Variants in NRG3 observed in about 807,000 individuals in gnomAD.
NRG3 encodes neuregulin 3, also known as pro-neuregulin-3, membrane-bound isoform.
A neutral mutation model predicts 66.9 loss-of-function variants in NRG3; 31 were observed. The observed-to-expected ratio is 0.46, with a 90% CI of 0.35 to 0.63. The LOEUF is 0.63. NRG3 is among the 20% of genes least tolerant of loss of function. NRG3 has a pLI of 0.00. For missense variants in NRG3, 910 were observed against 878.9 expected (o/e 1.04, Z -0.45); for synonymous variants, 393 against 359.4 (o/e 1.09, Z -1.06).
At chr10:82,832,591 G>C (rs1564546134) in intron 3 of NRG3, among the ~76,000 whole-genome samples, 1 of 152,090 alleles carries the variant, frequency 6.6e-6, no homozygotes, top group Non-Finnish European at 1.5e-5. Flanking sequence ...ATATGCAAGA[G>C]TTTAATAACA....
chr10:82,432,077 C>T lies in NRG3; in HGVS notation c.953+73209C>T, dbSNP rs905348285. Among the ~76,000 whole-genome samples the T allele has an allele frequency of 3.3e-5, 5 of 152,230 alleles. No individual in the cohort carries two copies. In the East Asian group the frequency reaches 9.7e-4, roughly 29 times the overall value. On this transcript the variant is annotated intron_variant, in intron 2 of 8. Transcript: ENST00000372141. Reference sequence around the variant, plus strand: ...GATTTACATACTGCTGCCTTCATTCCTATAGAGGGAGGTCCATTAGAGAAA... The same window carrying T: ...GATTTACATACTGCTGCCTTCATTCTTATAGAGGGAGGTCCATTAGAGAAA...
At chr10:82,574,979 G>C (rs1565086611) in intron 2 of NRG3, among the ~76,000 whole-genome samples, 1 of 151,694 alleles carries the variant, frequency 6.6e-6, no homozygotes, top group Non-Finnish European at 1.5e-5. Context: ...CAGTTAGAGA[G>C]AAAGAATGAG....
intron 1 of NRG3, among the ~76,000 whole-genome samples, chr10:81,991,042 G>A (rs1444362796): frequency 2.0e-5 from 3 of 152,038 alleles, no homozygotes; most frequent in African/African-American, 7.2e-5. Flanking sequence ...AACTTACATG[G>A]TACTTATTTA....
At chr10:82,335,557 T>A (rs1270555635) in intron 1 of NRG3, among the ~76,000 whole-genome samples, 1 of 152,060 alleles carries the variant, frequency 6.6e-6, no homozygotes, top group Non-Finnish European at 1.5e-5. Flanking sequence ...TGGCAGGGGA[T>A]CACTTGAGCC....
At chr10:82,594,035 A>T (rs1037256485) in intron 2 of NRG3, among the ~76,000 whole-genome samples, 1 of 152,128 alleles carries the variant, frequency 6.6e-6, no homozygotes, top group East Asian at 1.9e-4. Context: ...CTCAGGACAC[A>T]TTTGATTTAT....
intron 1 of NRG3, among the ~76,000 whole-genome samples, chr10:82,186,206 A>T (rs2073798371): frequency 6.6e-6 from 1 of 152,184 alleles, no homozygotes; most frequent in Non-Finnish European, 1.5e-5. Context: ...AAAAGCAGAT[A>T]ATATCTTATT....
At chr10:82,933,972 G>A (rs1847827657) in intron 4 of NRG3, among the ~76,000 whole-genome samples, 1 of 152,140 alleles carries the variant, frequency 6.6e-6, no homozygotes, top group South Asian at 2.1e-4. Context: ...GGAGGTAAAT[G>A]GGGGTCTGGG....
At position 82,047,815 on chromosome 10, in the gene NRG3, A is replaced by G. The variant is rs180725566; in HGVS notation, c.823+171652A>G. On this transcript the variant is annotated intron_variant, in intron 1 of 8. Coordinates refer to ENST00000372141, the MANE Select transcript of NRG3 (RefSeq NM_001010848.4). ...AAAGACACAGACTGGCAAATTGGAT[A>G]GAGTCAATACCCATCAGTGTGCTAT... Among the ~76,000 whole-genome samples, 302 of 152,216 alleles carry G rather than the reference A, an allele frequency of 2.0e-3. 1 individual carries two copies. Among genetic ancestry groups the G allele is most frequent in the Non-Finnish European group, 3.5e-3 (236 of 68,006 alleles).
At chr10:82,389,928 G>A (rs1038281506) in intron 2 of NRG3, among the ~76,000 whole-genome samples, 2 of 152,138 alleles carry the variant, frequency 1.3e-5, no homozygotes, top group Non-Finnish European at 2.9e-5. Context: ...GCCTATTAGA[G>A]CGGCTACTTG....
chr10:81,981,033 G>A (rs889429383), intron 1 of NRG3, among the ~76,000 whole-genome samples: 1 of 152,166 alleles, frequency 6.6e-6, no homozygotes, highest in Non-Finnish European at 1.5e-5. Flanking sequence ...CATGAAGGGA[G>A]CATAAATCCG....
At chr10:82,548,559 ACG>A (rs1366904442) in intron 2 of NRG3, among the ~76,000 whole-genome samples, 4 of 143,072 alleles carry the variant, frequency 2.8e-5, no homozygotes, top group African/African-American at 1.1e-4. Context: ...ACACACACAC[ACG>A]CACACGCACA....
At chr10:82,263,667 G>A (rs188438081) in intron 1 of NRG3, among the ~76,000 whole-genome samples, 31 of 151,952 alleles carry the variant, frequency 2.0e-4, no homozygotes, top group African/African-American at 6.5e-4. Context: ...CAGGATTTAC[G>A]TCTTTACCTA....
chr10:82,319,583 C>T (rs1188353918), intron 1 of NRG3, among the ~76,000 whole-genome samples: 1 of 152,184 alleles, frequency 6.6e-6, no homozygotes, highest in Non-Finnish European at 1.5e-5. Context: ...TTACCATGGG[C>T]TCCATATTTA....
intron 1 of NRG3, among the ~76,000 whole-genome samples, chr10:82,154,692 A>T (rs1202681385): frequency 6.6e-6 from 1 of 151,714 alleles, no homozygotes; most frequent in Non-Finnish European, 1.5e-5. Context: ...AATTCTTCTA[A>T]TCCATAAGCA....
chr10:82,615,994 A>G (rs1167508697), intron 2 of NRG3, among the ~76,000 whole-genome samples: 2 of 152,166 alleles, frequency 1.3e-5, no homozygotes, highest in African/African-American at 4.8e-5. Flanking sequence ...AGCCTCAATG[A>G]TAATTGCTTT....
At chr10:82,497,221 C>A (rs919456989) in intron 2 of NRG3, among the ~76,000 whole-genome samples, 3 of 152,120 alleles carry the variant, frequency 2.0e-5, no homozygotes, top group Non-Finnish European at 2.9e-5. Flanking sequence ...TTGAACTTTT[C>A]TTTTTAATCC....
At chr10:82,214,954 G>T (rs532703937) in intron 1 of NRG3, among the ~76,000 whole-genome samples, 2 of 152,260 alleles carry the variant, frequency 1.3e-5, no homozygotes, top group South Asian at 2.1e-4. Flanking sequence ...ACTAAAGTTT[G>T]TGCAGTCTTG....
intron 3 of NRG3, among the ~76,000 whole-genome samples, chr10:82,824,875 C>A (rs2135601294): frequency 6.6e-6 from 1 of 152,058 alleles, no homozygotes; most frequent in South Asian, 2.1e-4. Context: ...CACGACCATG[C>A]CCAGCTAACT....
intron 1 of NRG3, among the ~76,000 whole-genome samples, chr10:81,916,294 A>G (rs912924138): frequency 1.3e-5 from 2 of 152,186 alleles, no homozygotes; most frequent in South Asian, 4.1e-4. Flanking sequence ...TTTACTGGGC[A>G]TCTAATATTT....
Sources: allele counts gnomAD v4.1 joint callset (sites outside exome capture counted in the v4.1 genomes callset), GRCh38; gene constraint gnomAD v4.1.1; transcripts MANE v1.5; gene names NCBI Gene and HGNC (gene_info 2026-07-23, HGNC 2026-07-21).